The following GMDS variants were observed in gnomAD, a reference collection of about 807,000 sequenced individuals.
GMDS encodes GDP-mannose 4,6-dehydratase, also known as GDP-mannose 4,6 dehydratase.
In GMDS, 20 loss-of-function variants were observed where a neutral mutation model predicts 49.9. The observed-to-expected ratio is 0.40, with a 90% CI of 0.28 to 0.58. The LOEUF (loss-of-function observed/expected upper bound fraction) is 0.58, where lower values mean the gene tolerates loss of function less well. Ranked by LOEUF, GMDS falls within the 20% of genes least tolerant of loss-of-function variation. The pLI, the probability that GMDS is intolerant of heterozygous loss-of-function variation, is 0.42. For missense variants in GMDS, 362 were observed against 481.4 expected, an observed-to-expected ratio of 0.75 and a Z score of 2.32; for synonymous variants, 177 against 178.6, an observed-to-expected ratio of 0.99 and a Z score of 0.07.
chr6:2,204,462 T>C (rs2127578717), intron 1 of GMDS, among the ~76,000 whole-genome samples: 1 of 152,366 alleles, frequency 6.6e-6, no homozygotes, highest in Middle Eastern at 3.4e-3. Flanking sequence ...GCTTTAGGCA[T>C]GTAGGGACAG....
At chr6:2,226,009 A>T (rs1780797692) in intron 1 of GMDS, among the ~76,000 whole-genome samples, 1 of 152,136 alleles carries the variant, frequency 6.6e-6, no homozygotes, top group Admixed American at 6.5e-5. Flanking sequence ...CTAACCTAAG[A>T]AAAGAAAAAA....
chr6:1,882,543 A>G (rs1759411975), intron 7 of GMDS, among the ~76,000 whole-genome samples: 1 of 152,256 alleles, frequency 6.6e-6, no homozygotes, highest in Admixed American at 6.5e-5. Flanking sequence ...CACAGAATCA[A>G]TTAAACAGAA....
intron 6 of GMDS, among the ~76,000 whole-genome samples, chr6:1,947,054 A>G (rs1237286756): frequency 6.6e-6 from 1 of 152,238 alleles, no homozygotes; most frequent in Non-Finnish European, 1.5e-5. Flanking sequence ...AGCTCATTTT[A>G]GTGCTGGGAG....
At chr6:1,701,551 T>C (rs1765545047) in intron 9 of GMDS, among the ~76,000 whole-genome samples, 2 of 151,978 alleles carry the variant, frequency 1.3e-5, no homozygotes, top group South Asian at 4.2e-4. Flanking sequence ...TCTGTACAAT[T>C]GAAAAGGTGC....
At chr6:1,879,547 C>A (rs771594218) in intron 7 of GMDS, among the ~76,000 whole-genome samples, 6 of 151,240 alleles carry the variant, frequency 4.0e-5, no homozygotes, top group Non-Finnish European at 8.8e-5. Flanking sequence ...TTCTTGAAGA[C>A]AGAAACCTAT....
intron 1 of GMDS, among the ~76,000 whole-genome samples, chr6:2,224,300 T>C (rs1042540105): frequency 6.6e-6 from 1 of 152,230 alleles, no homozygotes; most frequent in South Asian, 2.1e-4. Context: ...CCACCCTTAT[T>C]GACACAGGTG....
chr6:2,192,006 G>A (rs536984358), intron 1 of GMDS, among the ~76,000 whole-genome samples: 92 of 152,266 alleles, frequency 6.0e-4, no homozygotes, highest in Non-Finnish European at 7.9e-4. Context: ...TAAAAGCCCC[G>A]GGCTCAGCTA....
chr6:2,067,786 C>A lies in GMDS; in HGVS notation c.345+47985G>T, dbSNP rs568410501. ...TGGCAATAATCAATAGCTTACCAAC[C>A]AAAAAGTGTCCAGGACCAGATGGAT... On this transcript the variant is annotated intron_variant, in intron 4 of 10. Transcript: ENST00000380815. Among the ~76,000 whole-genome samples the A allele has an allele frequency of 1.9e-4, 29 of 152,062 alleles. No individual in the cohort carries two copies. The East Asian group carries it at 5.6e-3, about 29-fold the overall frequency.
intron 1 of GMDS, among the ~76,000 whole-genome samples, chr6:2,130,081 A>C (rs529613750): frequency 6.6e-6 from 1 of 152,350 alleles, no homozygotes; most frequent in East Asian, 1.9e-4. Flanking sequence ...AGAATTTTGC[A>C]CTAAAAAATA....
intron 7 of GMDS, among the ~76,000 whole-genome samples, chr6:1,783,738 G>C (rs1235698783): frequency 1.3e-5 from 2 of 152,170 alleles, no homozygotes; most frequent in Non-Finnish European, 2.9e-5. Context: ...ACAAGGTAGA[G>C]AGAAATTTGA....
chr6:1,683,645 A>T (rs572171563), intron 9 of GMDS, among the ~76,000 whole-genome samples: 2 of 152,288 alleles, frequency 1.3e-5, no homozygotes, highest in African/African-American at 4.8e-5. Flanking sequence ...GACACGATAC[A>T]CGCATTTGGG....
intron 9 of GMDS, among the ~76,000 whole-genome samples, chr6:1,676,053 C>T (rs1000705009): frequency 6.6e-6 from 1 of 152,168 alleles, no homozygotes; most frequent in Non-Finnish European, 1.5e-5. Flanking sequence ...AGCCCAAAAT[C>T]TCCTCAAGCT....
At chr6:1,800,833 G>A (rs762961629) in intron 7 of GMDS, among the ~76,000 whole-genome samples, 1 of 152,174 alleles carries the variant, frequency 6.6e-6, no homozygotes, top group African/African-American at 2.4e-5. Flanking sequence ...AGAAGTGGAT[G>A]TGATTCTGCA....
At chr6:1,734,574 C>T (rs1255004002) in intron 8 of GMDS, among the ~76,000 whole-genome samples, 3 of 152,220 alleles carry the variant, frequency 2.0e-5, no homozygotes, top group South Asian at 2.1e-4. Flanking sequence ...ACCTGTTTCA[C>T]GTGGTCTGAG....
chr6:1,771,258 T>G (rs1385724719), intron 7 of GMDS, among the ~76,000 whole-genome samples: 1 of 152,168 alleles, frequency 6.6e-6, no homozygotes, highest in Non-Finnish European at 1.5e-5. Context: ...ATGGCTGTGC[T>G]GGGGGTTTCT....
chr6:1,923,694 C>T (rs1250269107), intron 7 of GMDS, among the ~76,000 whole-genome samples: 4 of 152,208 alleles, frequency 2.6e-5, no homozygotes, highest in Admixed American at 2.6e-4. Flanking sequence ...AACGGAGCAC[C>T]CTGTCACAAG....
At chr6:2,057,104 C>T (rs1424503888) in intron 4 of GMDS, among the ~76,000 whole-genome samples, 1 of 152,188 alleles carries the variant, frequency 6.6e-6, no homozygotes, top group Non-Finnish European at 1.5e-5. Flanking sequence ...ACTACCACCT[C>T]GGTGACAAAC....
intron 7 of GMDS, among the ~76,000 whole-genome samples, chr6:1,917,070 GT>G (rs1250919209): frequency 1.3e-5 from 2 of 152,316 alleles, no homozygotes; most frequent in East Asian, 3.9e-4. Flanking sequence ...ATGTTCTACA[GT>G]TTCCTTCACA....
chr6:1,882,732 G>A lies in GMDS; in HGVS notation c.771+47371C>T, dbSNP rs188418095. On this transcript the variant is annotated intron_variant, in intron 7 of 10. Coordinates refer to ENST00000380815, the MANE Select transcript of GMDS (RefSeq NM_001500.4). ...ATAAGCACTAATGTGGCCACAGACA[G>A]GATATTTAAATTCCACATCATATTG... Among the ~76,000 whole-genome samples the A allele has an allele frequency of 1.4e-3, 207 of 152,298 alleles. 2 individuals carry two copies. Among genetic ancestry groups the A allele is most frequent in the Non-Finnish European group, 2.4e-4 (16 of 68,016 alleles).
Sources: gnomAD v4.1 joint callset for allele counts (sites outside exome capture counted in the v4.1 genomes callset) on GRCh38, gnomAD v4.1.1 for gene constraint, MANE v1.5 for transcripts, NCBI Gene and HGNC (gene_info 2026-07-23, HGNC 2026-07-21) for gene names.